Variants in DPYD observed in about 807,000 individuals in gnomAD.
DPYD encodes the protein dihydropyrimidine dehydrogenase.
DPYD carries 109 observed loss-of-function variants against 116.2 expected under a neutral mutation model. The ratio of observed to expected loss-of-function variants is 0.94; its 90% CI spans 0.80 to 1.10. DPYD has a LOEUF of 1.10. Among genes scored for constraint, DPYD ranks in the 50% least tolerant of loss-of-function variants. The probability of loss-of-function intolerance (pLI) is 0.00; values close to 1 mark genes in which losing one functional copy is unlikely to be tolerated. For synonymous variants in DPYD, 440 were observed against 432.0 expected, an observed-to-expected ratio of 1.02 and a Z score of -0.23; for missense variants, 1,302 against 1,254.5, an observed-to-expected ratio of 1.04 and a Z score of -0.57.
chr1:97,672,816 C>A (rs567788217), intron 8 of DPYD, among the ~76,000 whole-genome samples: 1 of 152,176 alleles, frequency 6.6e-6, no homozygotes, highest in South Asian at 2.1e-4. Context: ...CACTCTGTAG[C>A]AAATTTAATA....
intron 16 of DPYD, among the ~76,000 whole-genome samples, chr1:97,335,534 G>T (rs1669243542): frequency 6.6e-6 from 1 of 150,902 alleles, no homozygotes; most frequent in African/African-American, 2.5e-5. Flanking sequence ...ATAATGCTGT[G>T]TTTCTCCATG....
intron 16 of DPYD, among the ~76,000 whole-genome samples, chr1:97,340,074 A>T (rs1160043442): frequency 2.0e-5 from 3 of 152,196 alleles, no homozygotes; most frequent in Non-Finnish European, 4.4e-5. Context: ...TGCAATTTCC[A>T]AATTAAGAGA....
intron 8 of DPYD, among the ~76,000 whole-genome samples, chr1:97,623,329 A>C (rs1426243595): frequency 1.3e-5 from 2 of 152,088 alleles, no homozygotes; most frequent in Non-Finnish European, 2.9e-5. Flanking sequence ...AAAACACATA[A>C]TCTTACTCAT....
intron 14 of DPYD, among the ~76,000 whole-genome samples, chr1:97,436,433 A>G (rs1675476466): frequency 6.6e-6 from 1 of 151,926 alleles, no homozygotes; most frequent in Non-Finnish European, 1.5e-5. Context: ...AGTTTATACC[A>G]TGAAAGACTC....
At chr1:97,172,437 G>T (rs1656796536) in intron 20 of DPYD, among the ~76,000 whole-genome samples, 1 of 152,088 alleles carries the variant, frequency 6.6e-6, no homozygotes, top group African/African-American at 2.4e-5. Context: ...TGTTTTTATT[G>T]CACTGATTTT....
At chr1:97,521,572 T>C (rs1648664498) in intron 12 of DPYD, among the ~76,000 whole-genome samples, 1 of 152,094 alleles carries the variant, frequency 6.6e-6, no homozygotes, top group Admixed American at 6.6e-5. Context: ...AAATTTCATA[T>C]GGAACCAAAA....
At chr1:97,738,219 T>C (rs902438721) in intron 4 of DPYD, among the ~76,000 whole-genome samples, 3 of 152,066 alleles carry the variant, frequency 2.0e-5, no homozygotes, top group South Asian at 2.1e-4. Flanking sequence ...AGAAAACCTA[T>C]CAAGAAATAT....
At chr1:97,150,257 C>T (rs1035829383) in intron 20 of DPYD, among the ~76,000 whole-genome samples, 3 of 137,968 alleles carry the variant, frequency 2.2e-5, no homozygotes, top group South Asian at 2.6e-4. Flanking sequence ...GTTTAGTACA[C>T]ACTGTATCTT....
chr1:97,546,823 G>C, intron 12 of DPYD: 1 of 1,612,690 alleles, frequency 6.2e-7, no homozygotes, highest in Middle Eastern at 1.9e-4. Flanking sequence ...ATTGAAGTTG[G>C]AAGTTCATGA....
chr1:97,412,406 T>C (rs1045599044), intron 14 of DPYD, among the ~76,000 whole-genome samples: 2 of 152,188 alleles, frequency 1.3e-5, no homozygotes, highest in African/African-American at 2.4e-5. Flanking sequence ...TTTTGCAATC[T>C]TTTTTCTCCC....
intron 22 of DPYD, 148 bp downstream of exon 22, chr1:97,082,182 G>A (rs1489185360): frequency 1.0e-6 from 1 of 953,214 alleles, no homozygotes; most frequent in Non-Finnish European, 1.7e-6. Context: ...TATTATAAGG[G>A]TGACAGGACA....
At chr1:97,500,908 C>T (rs1382978999) in intron 13 of DPYD, among the ~76,000 whole-genome samples, 1 of 152,042 alleles carries the variant, frequency 6.6e-6, no homozygotes, top group Non-Finnish European at 1.5e-5. Context: ...AGACATCAGA[C>T]ACAAATTCCA....
chr1:97,897,012 G>A (rs1051345856), intron 1 of DPYD, among the ~76,000 whole-genome samples: 2 of 151,748 alleles, frequency 1.3e-5, no homozygotes, highest in African/African-American at 4.8e-5. Context: ...AATCCTTGGT[G>A]CAAACCCCTA....
intron 13 of DPYD, among the ~76,000 whole-genome samples, chr1:97,494,667 CAGG>C (rs1356091101): frequency 6.6e-6 from 1 of 151,862 alleles, no homozygotes; most frequent in African/African-American, 2.4e-5. Context: ...CTCTTGAGCC[CAGG>C]AGATCAGGCT....
rs1667751292 is a variant in DPYD, at chr1:97,799,598, C to T, written c.233+28516G>A. On this transcript the variant is annotated intron_variant, in intron 3 of 22. Coordinates refer to ENST00000370192, the MANE Select transcript of DPYD (RefSeq NM_000110.4). The stretch of plus-strand genomic sequence containing the variant: ...GATTTGGTCTTTATCCCAGTCTGAC[C>T]CATTTCTTGAGACTGTTACCTCAAG... 2.0e-5 allele frequency among the ~76,000 whole-genome samples: 3 copies of T among 151,830 alleles called. No homozygotes were observed. In the South Asian group the frequency reaches 6.2e-4, roughly 32 times the overall value.
At chr1:97,696,251 T>C (rs1661300524) in intron 6 of DPYD, among the ~76,000 whole-genome samples, 4 of 151,744 alleles carry the variant, frequency 2.6e-5, no homozygotes, top group Admixed American at 1.3e-4. Flanking sequence ...TATTAAAGAG[T>C]AGCCCAGATA....
At chr1:97,279,197 C>T (rs746529275) in intron 18 of DPYD, among the ~76,000 whole-genome samples, 56 of 152,046 alleles carry the variant, frequency 3.7e-4, no homozygotes, top group Non-Finnish European at 7.4e-4. Flanking sequence ...TTACATTAAG[C>T]ATACCCCATA....
intron 8 of DPYD, among the ~76,000 whole-genome samples, chr1:97,665,098 A>C (rs139030400): frequency 0.012 from 1,893 of 152,192 alleles, 37 homozygotes; most frequent in African/African-American, 0.043. Flanking sequence ...AATTCTAGTA[A>C]TATAGCTACC....
chr1:97,768,153 T>C lies in DPYD; in HGVS notation c.234-27674A>G, dbSNP rs550265392. 5.3e-5 allele frequency among the ~76,000 whole-genome samples: 8 copies of C among 152,308 alleles called. No individual in the cohort carries two copies. In the South Asian group the frequency reaches 1.7e-3, roughly 32 times the overall value. ...ATAAATATGTACATGTATCTCTTCC[T>C]AATTATGAAATATCTTGAGCAAGCA... On this transcript the variant is annotated intron_variant, in intron 3 of 22. Coordinates refer to ENST00000370192, the MANE Select transcript of DPYD (RefSeq NM_000110.4).
Sources: allele counts gnomAD v4.1 joint callset (sites outside exome capture counted in the v4.1 genomes callset), GRCh38; gene constraint gnomAD v4.1.1; transcripts MANE v1.5; gene names NCBI Gene and HGNC (gene_info 2026-07-23, HGNC 2026-07-21).